Variants in CLMN observed in about 807,000 individuals in gnomAD.
CLMN encodes the protein calmin, also known as calmin (calponin-like, transmembrane).
CLMN carries 57 observed loss-of-function variants against 92.7 expected under a neutral mutation model. That is an observed-to-expected ratio of 0.61 (90% CI 0.50 to 0.77). The LOEUF (loss-of-function observed/expected upper bound fraction) is 0.77, where lower values mean the gene tolerates loss of function less well. CLMN is among the 30% of genes least tolerant of loss of function. CLMN has a pLI of 0.00. For missense variants in CLMN, 1,158 were observed against 1,237.5 expected (o/e 0.94, Z 0.96); for synonymous variants, 466 against 470.6 (o/e 0.99, Z 0.13).
At chr14:95,249,775 A>G (rs1898712065) in intron 1 of CLMN, among the ~76,000 whole-genome samples, 1 of 152,018 alleles carries the variant, frequency 6.6e-6, no homozygotes, top group Non-Finnish European at 1.5e-5. Context: ...TTGTATTTTC[A>G]GTACAGACGG....
At chr14:95,229,637 T>C (rs1897819835) in intron 2 of CLMN, among the ~76,000 whole-genome samples, 1 of 152,028 alleles carries the variant, frequency 6.6e-6, no homozygotes, top group Non-Finnish European at 1.5e-5. Context: ...CAGGTAATAA[T>C]ATTATTACTA....
chr14:95,263,016 G>A (rs1156890345), intron 1 of CLMN, among the ~76,000 whole-genome samples: 1 of 152,194 alleles, frequency 6.6e-6, no homozygotes, highest in African/African-American at 2.4e-5. Flanking sequence ...TGGCTCCCAG[G>A]CTCAGCCTGT....
At chr14:95,285,254 T>C (rs967505458) in intron 1 of CLMN, among the ~76,000 whole-genome samples, 1 of 152,154 alleles carries the variant, frequency 6.6e-6, no homozygotes, top group Non-Finnish European at 1.5e-5. Context: ...CAGTCGTGGG[T>C]ATGCCTTTAT....
chr14:95,254,954 T>C (rs1288400787), intron 1 of CLMN, among the ~76,000 whole-genome samples: 1 of 152,178 alleles, frequency 6.6e-6, no homozygotes, highest in African/African-American at 2.4e-5. Flanking sequence ...CTTGCTGGGA[T>C]TGAGCCACCC....
rs775010770 is a variant in CLMN, at chr14:95,204,357, T to C, written c.992A>G (p.Asn331Ser). Residue 331 changes from asparagine to serine, a missense_variant, in exon 9 of 13, where the codon AAT becomes AGT. Coordinates refer to ENST00000298912, the MANE Select transcript of CLMN (RefSeq NM_024734.4). ...QESKVFVLTE[N>S]GERTYTVNHE... is the part of the protein sequence containing the mutation. ...GTTAACAGTGTAGGTACGCTCCCCA[T>C]TTTCAGTCAGAACGAAGACTTTGCT... 2 of 1,614,012 alleles carry C rather than the reference T, an allele frequency of 1.2e-6. No individual in the cohort carries two copies. Among genetic ancestry groups the C allele is most frequent in the African/African-American group, 2.7e-5 (2 of 74,878 alleles).
intron 1 of CLMN, among the ~76,000 whole-genome samples, chr14:95,241,933 C>G (rs865788208): frequency 6.6e-6 from 1 of 152,122 alleles, no homozygotes; most frequent in Non-Finnish European, 1.5e-5. Context: ...CCAGAGTACC[C>G]GAAGGGATTT....
At chr14:95,254,067 G>A (rs1407609847) in intron 1 of CLMN, among the ~76,000 whole-genome samples, 1 of 152,198 alleles carries the variant, frequency 6.6e-6, no homozygotes, top group Non-Finnish European at 1.5e-5. Context: ...AGGGCCTGGG[G>A]TCCCCTCCTA....
At position 95,196,793 on chromosome 14, in the gene CLMN, G is replaced by C. The variant is rs374689735; in HGVS notation, c.2512-99C>G. ...TGCTCTGCCCAGGCCCAGCCAGGGC[G>C]TCCCTTCCAATTCTGCCTGTTCCCT... On this transcript the variant is annotated intron_variant, in intron 9 of 12. Coordinates refer to ENST00000298912, the MANE Select transcript of CLMN (RefSeq NM_024734.4). 2.6e-6 allele frequency: 3 copies of C among 1,151,234 alleles called. No homozygotes were observed. In the East Asian group the frequency reaches 7.4e-5, roughly 28 times the overall value. The allele number at this position is 1,151,234 out of a possible 1,614,324, so 71.3% of individuals were successfully genotyped here.
At chr14:95,245,254 A>ATT (rs1491364370) in intron 1 of CLMN, among the ~76,000 whole-genome samples, 13 of 27,964 alleles carry the variant, frequency 4.6e-4, no homozygotes, top group South Asian at 2.2e-3. Flanking sequence ...ATATATATAT[A>ATT]ATATATATAT....
rs539651470 is a variant in CLMN at position 95,274,208 on chromosome 14, C to T, written c.83-44075G>A. ...TTGGTTTCTCCTGAACGTGTTTAGC[C>T]GTGAGCTCTCTGCGCACCCAGATTC... On this transcript the variant is annotated intron_variant, in intron 1 of 12. Transcript: ENST00000298912. Among the ~76,000 whole-genome samples, 29 of 152,206 alleles carry T rather than the reference C, an allele frequency of 1.9e-4. No individual in the cohort carries two copies. In the South Asian group the frequency reaches 5.4e-3, roughly 28 times the overall value.
chr14:95,290,986 A>G (rs1337148344), intron 1 of CLMN, among the ~76,000 whole-genome samples: 1 of 152,218 alleles, frequency 6.6e-6, no homozygotes, highest in East Asian at 1.9e-4. Flanking sequence ...GCTTGCCAGG[A>G]ACGCAGCTGC....
At chr14:95,310,158 C>T (rs1901469230) in intron 1 of CLMN, among the ~76,000 whole-genome samples, 1 of 152,174 alleles carries the variant, frequency 6.6e-6, no homozygotes, top group Non-Finnish European at 1.5e-5. Context: ...TGAGGCCTCC[C>T]CAGAAGCAGA....
chr14:95,194,017 AGCATGCCGG>A lies in CLMN; in HGVS notation c.2770-107_2770-99del, dbSNP rs1431951538. On this transcript the variant is annotated intron_variant, in intron 11 of 12. Coordinates refer to ENST00000298912, the MANE Select transcript of CLMN (RefSeq NM_024734.4). This position sits in a 1 kb window ranked among gnomAD's most constrained non-coding sequence, Gnocchi z 4.0. The stretch of plus-strand genomic sequence containing the variant: ...AAACGATTTTAAACACACAAAGCCG[AGCATGCCGG>A]GCATTTCTCAATACCGCCAGCGTCT... The A allele has an allele frequency of 1.1e-5, 17 of 1,542,504 alleles. No individual in the cohort carries two copies. The highest frequency in any genetic ancestry group is 1.5e-5 in the Non-Finnish European group (17 of 1,147,108).
At chr14:95,253,420 TG>T (rs1898865853) in intron 1 of CLMN, among the ~76,000 whole-genome samples, 2 of 152,124 alleles carry the variant, frequency 1.3e-5, no homozygotes, top group Non-Finnish European at 2.9e-5. Flanking sequence ...GCCAGCTTGG[TG>T]GTGAGACAGT....
At chr14:95,309,082 T>C (rs1032825537) in intron 1 of CLMN, among the ~76,000 whole-genome samples, 3 of 151,732 alleles carry the variant, frequency 2.0e-5, no homozygotes, top group Non-Finnish European at 4.4e-5. Context: ...GCTAGGGAGG[T>C]TGGAAACACA....
intron 6 of CLMN, among the ~76,000 whole-genome samples, chr14:95,211,213 A>C (rs1242879998): frequency 6.6e-6 from 1 of 152,214 alleles, no homozygotes; most frequent in Admixed American, 6.5e-5. Flanking sequence ...CTGTGCCATA[A>C]AAATGGAACC....
intron 4 of CLMN, among the ~76,000 whole-genome samples, chr14:95,218,666 C>G (rs947215605): frequency 6.6e-6 from 1 of 152,212 alleles, no homozygotes; most frequent in Non-Finnish European, 1.5e-5. Context: ...CTGAAACGCT[C>G]GTTTCCACCT....
chr14:95,193,745 T>G (rs750703251), intron 12 of CLMN, 104 bp downstream of exon 12: 131 of 1,350,886 alleles, frequency 9.7e-5, no homozygotes, highest in Admixed American at 3.0e-4. Context: ...ATTAATACTG[T>G]TATCAACAAA....
chr14:95,193,807 T>G, intron 12 of CLMN, 42 bp downstream of exon 12: 1 of 1,609,560 alleles, frequency 6.2e-7, no homozygotes, highest in Non-Finnish European at 8.5e-7. Context: ...TGTAAAAACA[T>G]TTTATTACTA....
Sources: allele counts gnomAD v4.1 joint callset (sites outside exome capture counted in the v4.1 genomes callset), GRCh38; gene constraint gnomAD v4.1.1; non-coding constraint Gnocchi (gnomAD v3.1); transcripts MANE v1.5; gene names NCBI Gene and HGNC (gene_info 2026-07-23, HGNC 2026-07-21).